Variants in CCAR1 observed in about 807,000 individuals in gnomAD.
CCAR1 encodes the protein cell division cycle and apoptosis regulator protein 1.
A neutral mutation model predicts 163.8 loss-of-function variants in CCAR1; 78 were observed. The ratio of observed to expected loss-of-function variants is 0.48; its 90% CI spans 0.40 to 0.57. CCAR1 has a LOEUF of 0.57. Ranked by LOEUF, CCAR1 falls within the 20% of genes least tolerant of loss-of-function variation. CCAR1 has a pLI of 0.00. For missense variants in CCAR1, 1,019 were observed against 1,365.2 expected (o/e 0.75, Z 4.00); for synonymous variants, 443 against 460.7 (o/e 0.96, Z 0.49).
At chr10:68,738,428 C>CA (rs1003325306) in intron 4 of CCAR1, among the ~76,000 whole-genome samples, 26 of 149,140 alleles carry the variant, frequency 1.7e-4, no homozygotes, top group African/African-American at 3.4e-4. Context: ...AACTCTGTCT[C>CA]AAAAAAAAAT....
At chr10:68,733,277 G>A (rs1282599947) in intron 2 of CCAR1, among the ~76,000 whole-genome samples, 3 of 151,896 alleles carry the variant, frequency 2.0e-5, no homozygotes, top group Non-Finnish European at 4.4e-5. Context: ...CAGGCATGGT[G>A]GAATGTGCCT....
At chr10:68,784,390 G>A (rs1047745999) in intron 19 of CCAR1, among the ~76,000 whole-genome samples, 1 of 151,744 alleles carries the variant, frequency 6.6e-6, no homozygotes, top group Non-Finnish European at 1.5e-5. Flanking sequence ...TTATTTTTGT[G>A]TTTTTAGAGA....
intron 12 of CCAR1, chr10:68,755,040 G>C (rs1589169163): frequency 3.4e-6 from 2 of 590,182 alleles, no homozygotes; most frequent in Non-Finnish European, 6.0e-6. Context: ...CAGTCATTTT[G>C]ATGTTTTATA....
chr10:68,769,090 T>G (rs1162273152), intron 17 of CCAR1, among the ~76,000 whole-genome samples: 1 of 152,116 alleles, frequency 6.6e-6, no homozygotes, highest in Non-Finnish European at 1.5e-5. Context: ...TTCTCCTGCC[T>G]CGACGTCCCG....
At chr10:68,753,278 A>G (rs1407876696) in intron 10 of CCAR1, among the ~76,000 whole-genome samples, 1 of 152,220 alleles carries the variant, frequency 6.6e-6, no homozygotes, top group Non-Finnish European at 1.5e-5. Flanking sequence ...ATAATCAGGT[A>G]TGGATCTTAA....
chr10:68,740,076 A>T (rs2056163562), intron 4 of CCAR1, among the ~76,000 whole-genome samples: 1 of 152,150 alleles, frequency 6.6e-6, no homozygotes, highest in Non-Finnish European at 1.5e-5. Context: ...TTATTTAGGG[A>T]TATATCTATG....
At chr10:68,746,898 T>C (rs1391847375) in intron 6 of CCAR1, among the ~76,000 whole-genome samples, 1 of 151,936 alleles carries the variant, frequency 6.6e-6, no homozygotes, top group Non-Finnish European at 1.5e-5. Flanking sequence ...TTTTTATTAT[T>C]ATTATTATTA....
intron 15 of CCAR1, chr10:68,760,800 CTTG>C (rs2056459166): frequency 6.4e-6 from 2 of 314,140 alleles, no homozygotes; most frequent in African/African-American, 4.3e-5. Context: ...GGAGGCAGAG[CTTG>C]TGGTAAGCCG....
At chr10:68,737,953 T>C in intron 4 of CCAR1, 64 bp downstream of exon 4, 2 of 1,084,108 alleles carry the variant, frequency 1.8e-6, no homozygotes, top group African/African-American at 1.6e-5. Context: ...AAAGTTCAAT[T>C]GATAGAGAGT....
chr10:68,727,016 AT>A (rs1376666106), intron 2 of CCAR1, among the ~76,000 whole-genome samples: 1 of 150,842 alleles, frequency 6.6e-6, no homozygotes, highest in African/African-American at 2.4e-5. Flanking sequence ...AAATAAAAAA[AT>A]AAATTCACAG....
At position 68,737,841 on chromosome 10, in the gene CCAR1, T is replaced by G. The variant is rs766937433; in HGVS notation, c.247-4T>G. On this transcript the variant is annotated splice_region_variant and splice_polypyrimidine_tract_variant and intron_variant, in intron 3 of 24. Coordinates refer to ENST00000265872, the MANE Select transcript of CCAR1 (RefSeq NM_018237.4). ...CTTTGAAAAATTTTTTTTTAATCTTTCAGCAATATTCACAACCTCAGCAGG... is the reference window on the plus strand; with the variant it reads ...CTTTGAAAAATTTTTTTTTAATCTTGCAGCAATATTCACAACCTCAGCAGG... 4.4e-6 allele frequency: 7 copies of G among 1,579,346 alleles called. No individual in the cohort carries two copies. In the Admixed American group the frequency reaches 9.7e-5, roughly 22 times the overall value.
chr10:68,771,893 G>T (rs1260263312), intron 18 of CCAR1, among the ~76,000 whole-genome samples: 1 of 151,666 alleles, frequency 6.6e-6, no homozygotes, highest in African/African-American at 2.4e-5. Context: ...CTGAGACGGA[G>T]TCTTGCTCTG....
At chr10:68,728,252 A>C (rs1289790455) in intron 2 of CCAR1, among the ~76,000 whole-genome samples, 1 of 151,476 alleles carries the variant, frequency 6.6e-6, no homozygotes, top group Non-Finnish European at 1.5e-5. Flanking sequence ...ATTCAGACCT[A>C]TTGTCACCCA....
At chr10:68,742,865 G>C (rs192940452) in intron 6 of CCAR1, among the ~76,000 whole-genome samples, 1 of 152,140 alleles carries the variant, frequency 6.6e-6, no homozygotes, top group Non-Finnish European at 1.5e-5. Context: ...TGAGCCACCC[G>C]CCTCAGCTTC....
chr10:68,774,836 A>G (rs979545672), intron 19 of CCAR1: 2 of 327,794 alleles, frequency 6.1e-6, no homozygotes, highest in Non-Finnish European at 1.1e-5. Context: ...AAATACCTCA[A>G]AAGTGCCTCT....
chr10:68,734,791 A>G (rs1034174253), intron 2 of CCAR1, among the ~76,000 whole-genome samples: 10 of 152,016 alleles, frequency 6.6e-5, no homozygotes, highest in Admixed American at 6.6e-4. Context: ...TAGGAGATGC[A>G]TTTTTGGGAA....
intron 2 of CCAR1, among the ~76,000 whole-genome samples, chr10:68,724,418 T>G (rs1480132264): frequency 6.6e-6 from 1 of 152,036 alleles, no homozygotes; most frequent in Non-Finnish European, 1.5e-5. Context: ...TGAGCTGATA[T>G]CGCAACGCTA....
intron 2 of CCAR1, among the ~76,000 whole-genome samples, chr10:68,728,885 C>T (rs1392640581): frequency 2.7e-5 from 4 of 150,884 alleles, no homozygotes; most frequent in African/African-American, 9.8e-5. Context: ...AACCCAGAGA[C>T]AGGTTGCAGT....
At chr10:68,758,194 A>C (rs1456709164) in intron 15 of CCAR1, among the ~76,000 whole-genome samples, 2 of 151,930 alleles carry the variant, frequency 1.3e-5, no homozygotes, top group African/African-American at 4.8e-5. Flanking sequence ...AGCTTGGATT[A>C]CAGGCACGTA....
Sources: gnomAD v4.1 joint callset for allele counts (sites outside exome capture counted in the v4.1 genomes callset) on GRCh38, gnomAD v4.1.1 for gene constraint, MANE v1.5 for transcripts, NCBI Gene and HGNC (gene_info 2026-07-23, HGNC 2026-07-21) for gene names.